The following LMX1A variants were observed in gnomAD, a reference collection of about 807,000 sequenced individuals.
The protein encoded by LMX1A is LIM homeobox transcription factor 1-alpha.
In LMX1A, 15 loss-of-function variants were observed where a neutral mutation model predicts 49.1. The ratio of observed to expected loss-of-function variants is 0.31; its 90% CI spans 0.20 to 0.47. LMX1A has a LOEUF of 0.47. LMX1A is among the 20% of genes least tolerant of loss of function. LMX1A has a pLI of 1.00. For missense variants in LMX1A, 372 were observed against 475.8 expected, an observed-to-expected ratio of 0.78 and a Z score of 2.03; for synonymous variants, 167 against 185.7, an observed-to-expected ratio of 0.90 and a Z score of 0.82.
chr1:165,241,086 A>C (rs992766469), intron 4 of LMX1A, among the ~76,000 whole-genome samples: 28 of 152,154 alleles, frequency 1.8e-4, no homozygotes, highest in African/African-American at 6.0e-4. Flanking sequence ...ACTTTCCAGG[A>C]TGCAACACTA....
At chr1:165,332,987 C>T (rs1655791865) in intron 3 of LMX1A, among the ~76,000 whole-genome samples, 1 of 152,186 alleles carries the variant, frequency 6.6e-6, no homozygotes, top group Admixed American at 6.5e-5. Flanking sequence ...GCCTCACTCC[C>T]ATCTATGCCT....
At chr1:165,353,371 C>T (rs1054489894) in intron 2 of LMX1A, 109 bp from the exon 3 acceptor site, 8 of 852,324 alleles carry the variant, frequency 9.4e-6, no homozygotes, top group South Asian at 3.5e-5. Flanking sequence ...TCCCCCAGCG[C>T]CCCCCACCCC....
At chr1:165,298,358 A>C (rs760832453) in intron 3 of LMX1A, among the ~76,000 whole-genome samples, 5 of 152,248 alleles carry the variant, frequency 3.3e-5, no homozygotes, top group Admixed American at 1.3e-4. Flanking sequence ...TCAGGGAGAA[A>C]GTACAGCCTG....
chr1:165,266,043 G>A (rs774750309), intron 3 of LMX1A, among the ~76,000 whole-genome samples: 1 of 152,172 alleles, frequency 6.6e-6, no homozygotes, highest in Non-Finnish European at 1.5e-5. Context: ...TATGATTCTA[G>A]CTGCTAATAT....
intron 3 of LMX1A, among the ~76,000 whole-genome samples, chr1:165,337,886 T>TGTGTGTGTGTGTG (rs1553213775): frequency 2.9e-4 from 6 of 20,786 alleles, no homozygotes; most frequent in African/African-American, 6.0e-4. Flanking sequence ...GTGTGTGTGT[T>TGTGTGTGTGTGTG]TCTGTGTGTG....
At chr1:165,344,594 T>G (rs1034360504) in intron 3 of LMX1A, among the ~76,000 whole-genome samples, 1 of 152,176 alleles carries the variant, frequency 6.6e-6, no homozygotes. Flanking sequence ...AAGGCAGGTG[T>G]GTCCATAAAA....
In LMX1A at chr1:165,203,829, G is replaced by A. The variant is rs1650948952; in HGVS notation, c.*51C>T. 1.3e-6 allele frequency: 2 copies of A among 1,585,016 alleles called. No individual in the cohort carries two copies. On this transcript the variant is annotated 3_prime_UTR_variant, in exon 9 of 9. Transcript: ENST00000342310. ...GTCCTAAAGCCAGTGACCCCTCAAA[G>A]AATATGGTTGTTCCATATGGGAGCC...
At chr1:165,347,093 G>A (rs1336161116) in intron 3 of LMX1A, among the ~76,000 whole-genome samples, 1 of 152,164 alleles carries the variant, frequency 6.6e-6, no homozygotes, top group Non-Finnish European at 1.5e-5. Flanking sequence ...CTCATATCAT[G>A]CTAGTCAAAG....
At chr1:165,231,431 T>C (rs1232689711) in intron 4 of LMX1A, among the ~76,000 whole-genome samples, 4 of 152,090 alleles carry the variant, frequency 2.6e-5, no homozygotes, top group African/African-American at 7.2e-5. Context: ...GCCTCCTGAG[T>C]AGCTGAGACT....
At chr1:165,320,914 T>C (rs1571221651) in intron 3 of LMX1A, among the ~76,000 whole-genome samples, 1 of 152,190 alleles carries the variant, frequency 6.6e-6, no homozygotes, top group African/African-American at 2.4e-5. Context: ...AAGCTAAACA[T>C]TATGTCCATA....
At chr1:165,327,945 G>T (rs975473367) in intron 3 of LMX1A, among the ~76,000 whole-genome samples, 2 of 152,228 alleles carry the variant, frequency 1.3e-5, no homozygotes, top group African/African-American at 4.8e-5. Context: ...CCTCGACTTA[G>T]AGAGTCCAGG....
chr1:165,204,379 G>A (rs527297999), intron 8 of LMX1A, among the ~76,000 whole-genome samples: 1 of 152,306 alleles, frequency 6.6e-6, no homozygotes, highest in African/African-American at 2.4e-5. Context: ...GATGCTTGAA[G>A]GAGGGATGGT....
intron 3 of LMX1A, among the ~76,000 whole-genome samples, chr1:165,278,507 C>T (rs919945510): frequency 2.0e-5 from 3 of 152,162 alleles, no homozygotes; most frequent in Admixed American, 6.5e-5. Flanking sequence ...CCTAATCAAA[C>T]ACTGGATTTT....
chr1:165,336,767 ACCTAATG>A (rs1304573423), intron 3 of LMX1A, among the ~76,000 whole-genome samples: 30 of 152,268 alleles, frequency 2.0e-4, no homozygotes, highest in African/African-American at 7.2e-4. Context: ...TTCCTCAACG[ACCTAATG>A]CCTATCCTAT....
intron 4 of LMX1A, among the ~76,000 whole-genome samples, chr1:165,237,276 C>T (rs377154533): frequency 1.3e-5 from 2 of 152,228 alleles, no homozygotes; most frequent in South Asian, 2.1e-4. Context: ...CAGGCTGGAG[C>T]GCAGTGGCAC....
At chr1:165,252,765 C>G (rs1008400295) in intron 3 of LMX1A, among the ~76,000 whole-genome samples, 3 of 152,156 alleles carry the variant, frequency 2.0e-5, no homozygotes, top group African/African-American at 7.2e-5. Context: ...TGACTCAGAG[C>G]CTATCCAGGG....
intron 3 of LMX1A, among the ~76,000 whole-genome samples, chr1:165,316,113 A>G (rs957703607): frequency 6.6e-6 from 1 of 152,142 alleles, no homozygotes; most frequent in Non-Finnish European, 1.5e-5. Flanking sequence ...TGCAGGGGAC[A>G]TTTTATTTTT....
chr1:165,209,972 T>A (rs1298015922), intron 6 of LMX1A, among the ~76,000 whole-genome samples: 1 of 152,230 alleles, frequency 6.6e-6, no homozygotes, highest in Non-Finnish European at 1.5e-5. Context: ...GGACACCCAG[T>A]TGGTATCCAC....
rs534562041 is a variant in LMX1A at position 165,207,205 on chromosome 1, GC to G, written c.817+857del. On this transcript the variant is annotated intron_variant, in intron 7 of 8. Coordinates refer to ENST00000342310, the MANE Select transcript of LMX1A (RefSeq NM_177398.4). ...TTACGTGCATATTAAAATGTAAGAA[GC>G]CCTGTTTTAAGGTACAGACCATTCA... is the stretch of plus-strand genomic sequence containing the variant. 7.2e-5 allele frequency among the ~76,000 whole-genome samples: 11 copies of G among 152,290 alleles called. No homozygotes were observed. In the South Asian group the frequency reaches 2.3e-3, roughly 32 times the overall value.
Sources: allele counts gnomAD v4.1 joint callset (sites outside exome capture counted in the v4.1 genomes callset), GRCh38; gene constraint gnomAD v4.1.1; transcripts MANE v1.5; gene names NCBI Gene and HGNC (gene_info 2026-07-23, HGNC 2026-07-21).